PCSK5: variants seen among roughly 807,000 people sequenced by gnomAD.
The protein encoded by PCSK5 is proprotein convertase subtilisin/kexin type 5, also known as prohormone convertase 5.
A neutral mutation model predicts 233.2 loss-of-function variants in PCSK5; 129 were observed. The ratio of observed to expected loss-of-function variants is 0.55; its 90% CI spans 0.48 to 0.64. The LOEUF (loss-of-function observed/expected upper bound fraction) is 0.64. Among genes scored for constraint, PCSK5 ranks in the 30% least tolerant of loss-of-function variants. PCSK5 has a pLI of 0.00. For missense variants in PCSK5, 2,076 were observed against 2,430.1 expected, an observed-to-expected ratio of 0.85 and a Z score of 3.06; for synonymous variants, 825 against 879.2, an observed-to-expected ratio of 0.94 and a Z score of 1.09.
chr9:75,938,987 C>A (rs1361526809), intron 2 of PCSK5, among the ~76,000 whole-genome samples: 1 of 152,164 alleles, frequency 6.6e-6, no homozygotes, highest in Non-Finnish European at 1.5e-5. Flanking sequence ...GTAGGGGATA[C>A]ACACACTAAA....
At chr9:75,910,499 C>A (rs1044745571) in intron 1 of PCSK5, among the ~76,000 whole-genome samples, 1 of 152,076 alleles carries the variant, frequency 6.6e-6, no homozygotes, top group Non-Finnish European at 1.5e-5. Context: ...TTGACCTTGC[C>A]GGTTCTTTGC....
intron 9 of PCSK5, among the ~76,000 whole-genome samples, chr9:76,115,139 A>G: frequency 6.6e-6 from 1 of 152,094 alleles, no homozygotes; most frequent in East Asian, 1.9e-4. Flanking sequence ...TATTCTCCCC[A>G]TGGGATTCTG....
At chr9:76,167,291 A>G (rs562944007) in intron 12 of PCSK5, among the ~76,000 whole-genome samples, 32 of 152,336 alleles carry the variant, frequency 2.1e-4, no homozygotes, top group African/African-American at 7.7e-4. Flanking sequence ...TTTGAAAATC[A>G]CTGCCTCCCA....
intron 2 of PCSK5, among the ~76,000 whole-genome samples, chr9:75,933,994 A>G (rs1180630727): frequency 6.6e-6 from 1 of 152,212 alleles, no homozygotes; most frequent in Non-Finnish European, 1.5e-5. Flanking sequence ...TATTTTCATG[A>G]TGAAGGATTT....
Position 76,358,937 on chromosome 9 carries a change from A to C in PCSK5, c.*15A>C. 1 of 1,604,864 alleles carries C rather than the reference A, an allele frequency of 6.2e-7. No homozygotes were observed. Among genetic ancestry groups the C allele is most frequent in the Non-Finnish European group, 8.5e-7 (1 of 1,174,342 alleles). On this transcript the variant is annotated 3_prime_UTR_variant, in exon 38 of 38. Coordinates refer to ENST00000674117, the MANE Select transcript of PCSK5 (RefSeq NM_001372043.1). ...ACTACCAGTAAACAGGCACTCCCCC[A>C]CCAACACCACCATTCCACTCTCAGG...
intron 1 of PCSK5, among the ~76,000 whole-genome samples, chr9:75,930,345 C>G (rs62555889): frequency 0.1 from 15,819 of 152,060 alleles, 1,209 homozygotes; most frequent in African/African-American, 0.2. Context: ...GAATGCTGGT[C>G]AGTGTGATTT....
At chr9:76,124,345 T>C (rs138871769) in intron 9 of PCSK5, among the ~76,000 whole-genome samples, 1 of 152,308 alleles carries the variant, frequency 6.6e-6, no homozygotes, top group Non-Finnish European at 1.5e-5. Context: ...AAAGACTCAG[T>C]AATTTTTAGT....
intron 19 of PCSK5, 151 bp from the exon 20 acceptor site, chr9:76,189,480 G>C: frequency 1.5e-6 from 1 of 647,664 alleles, no homozygotes; most frequent in Non-Finnish European, 2.7e-6. Context: ...GTGTCTACCT[G>C]TGTCACCTAA....
intron 24 of PCSK5, among the ~76,000 whole-genome samples, chr9:76,289,498 C>T (rs1450438529): frequency 2.3e-4 from 30 of 132,118 alleles, no homozygotes; most frequent in African/African-American, 7.0e-4. Context: ...CACACACACA[C>T]ACACACACAC....
chr9:75,994,402 T>C (rs1826915177), intron 3 of PCSK5, among the ~76,000 whole-genome samples: 1 of 3,726 alleles, frequency 2.7e-4, no homozygotes, highest in South Asian at 9.3e-3. Context: ...CTTTCTTTCT[T>C]TTTTTTTTTT....
chr9:76,104,176 G>A (rs1831882519), intron 8 of PCSK5, among the ~76,000 whole-genome samples: 1 of 152,090 alleles, frequency 6.6e-6, no homozygotes, highest in African/African-American at 2.4e-5. Context: ...CGATGCTGTG[G>A]CTTCTCTTAA....
At chr9:76,058,674 G>A (rs1368011211) in intron 5 of PCSK5, among the ~76,000 whole-genome samples, 1 of 152,000 alleles carries the variant, frequency 6.6e-6, no homozygotes, top group Non-Finnish European at 1.5e-5. Flanking sequence ...CAGCTACATG[G>A]GGAAAAAAAT....
At chr9:76,190,080 A>G (rs990231115) in intron 20 of PCSK5, among the ~76,000 whole-genome samples, 3 of 152,114 alleles carry the variant, frequency 2.0e-5, no homozygotes, top group African/African-American at 4.8e-5. Context: ...TTCCCCACAC[A>G]GGCATAGCTT....
chr9:76,332,394 T>C (rs767426067), intron 33 of PCSK5, 39 bp from the exon 34 acceptor site: 28 of 1,540,878 alleles, frequency 1.8e-5, no homozygotes, highest in Non-Finnish European at 2.5e-5. Flanking sequence ...ACATGTGTCA[T>C]GCTCGATGTC....
At position 75,904,289 on chromosome 9, in the gene PCSK5, A is replaced by C. The variant is rs139523119; in HGVS notation, c.192+12916A>C. ...AGGTTTCCTTTGTCATAAAAGATTAATTCTATTCATTGTTTTATTTAAAAA... is the reference window on the plus strand; with the variant it reads ...AGGTTTCCTTTGTCATAAAAGATTACTTCTATTCATTGTTTTATTTAAAAA... On this transcript the variant is annotated intron_variant, in intron 1 of 37. Transcript: ENST00000674117. Among the ~76,000 whole-genome samples, 783 of 152,320 alleles carry C rather than the reference A, an allele frequency of 5.1e-3. 10 individuals carry two copies. Among genetic ancestry groups the C allele is most frequent in the African/African-American group, 0.018 (733 of 41,570 alleles).
At chr9:76,207,592 C>A (rs557727280) in intron 20 of PCSK5, among the ~76,000 whole-genome samples, 1 of 152,282 alleles carries the variant, frequency 6.6e-6, no homozygotes, top group Admixed American at 6.5e-5. Flanking sequence ...AATACATTTC[C>A]TCCCTTTACA....
intron 10 of PCSK5, among the ~76,000 whole-genome samples, chr9:76,154,146 C>G (rs1261179348): frequency 6.6e-6 from 1 of 152,120 alleles, no homozygotes; most frequent in African/African-American, 2.4e-5. Flanking sequence ...ACTCAGCAAC[C>G]AGTTTTCTTG....
intron 9 of PCSK5, among the ~76,000 whole-genome samples, chr9:76,120,602 T>C (rs1832594856): frequency 6.6e-6 from 1 of 152,086 alleles, no homozygotes; most frequent in Non-Finnish European, 1.5e-5. Flanking sequence ...TTATTGCTTA[T>C]CTATAACAGA....
chr9:76,068,887 T>A (rs1434478392), intron 6 of PCSK5, among the ~76,000 whole-genome samples: 1 of 152,172 alleles, frequency 6.6e-6, no homozygotes, highest in Non-Finnish European at 1.5e-5. Flanking sequence ...TTGTTTCCAA[T>A]GCATTATTTG....
Sources: allele counts gnomAD v4.1 joint callset (sites outside exome capture counted in the v4.1 genomes callset), GRCh38; gene constraint gnomAD v4.1.1; transcripts MANE v1.5; gene names NCBI Gene and HGNC (gene_info 2026-07-23, HGNC 2026-07-21).